The following PDE3B variants were observed in gnomAD, a reference collection of about 807,000 sequenced individuals.
PDE3B encodes phosphodiesterase 3B.
Under a neutral mutation model 116.8 loss-of-function variants are expected in PDE3B, and 66 were observed. The ratio of observed to expected loss-of-function variants is 0.56; its 90% CI spans 0.46 to 0.69. PDE3B has a LOEUF of 0.69. Ranked by LOEUF, PDE3B falls within the 30% of genes least tolerant of loss-of-function variation. The pLI is 0.00. For missense variants in PDE3B, 1,384 were observed against 1,368.1 expected (o/e 1.01, Z -0.18); for synonymous variants, 595 against 533.6 (o/e 1.12, Z -1.59).
At chr11:14,744,421 T>C (rs1856851287) in intron 1 of PDE3B, among the ~76,000 whole-genome samples, 1 of 152,234 alleles carries the variant, frequency 6.6e-6, no homozygotes, top group Admixed American at 6.5e-5. Flanking sequence ...AGTCCATGAA[T>C]GTGAATGTTT....
At chr11:14,712,661 G>T (rs1855745542) in intron 1 of PDE3B, among the ~76,000 whole-genome samples, 1 of 151,960 alleles carries the variant, frequency 6.6e-6, no homozygotes, top group Non-Finnish European at 1.5e-5. Flanking sequence ...TTTTAATAGT[G>T]ACAGGGTTTA....
intron 5 of PDE3B, among the ~76,000 whole-genome samples, chr11:14,817,018 C>G (rs1159827906): frequency 6.6e-6 from 1 of 152,092 alleles, no homozygotes; most frequent in Non-Finnish European, 1.5e-5. Flanking sequence ...TTCACAGTAG[C>G]AAAGACTTGG....
At chr11:14,694,673 A>G (rs1855151153) in intron 1 of PDE3B, among the ~76,000 whole-genome samples, 1 of 152,150 alleles carries the variant, frequency 6.6e-6, no homozygotes, top group Non-Finnish European at 1.5e-5. Context: ...GCACTGGGAA[A>G]CCAAAAAATT....
At chr11:14,844,347 C>T (rs1476154204) in intron 12 of PDE3B, among the ~76,000 whole-genome samples, 1 of 152,078 alleles carries the variant, frequency 6.6e-6, no homozygotes, top group African/African-American at 2.4e-5. Context: ...GATTTCTGTT[C>T]CGCTGGAGCC....
In PDE3B at chr11:14,831,708, C is replaced by A; in HGVS notation, c.2025C>A (p.Ser675Arg). 1.3e-6 allele frequency: 2 copies of A among 1,597,344 alleles called. No homozygotes were observed. Among genetic ancestry groups the A allele is most frequent in the Non-Finnish European group, 1.7e-6 (2 of 1,167,662 alleles). Residue 675 changes from serine (S) to arginine (R), a missense_variant, in exon 9 of 16, where the codon AGC (serine) becomes AGA (arginine). Around this residue, in one of 2 missense-constraint regions of PDE3B, gnomAD observed 428 missense variants for 561.4 expected, o/e 0.76. Transcript: ENST00000282096. ...EEYDSLIEKM[S>R]NWNFPIFELV... ...ATGACTCATTAATAGAAAAGATGAG[C>A]AACTGGAATTTTCCAATTTTTGAAC...
chr11:14,660,304 CT>C (rs761213939), intron 1 of PDE3B, among the ~76,000 whole-genome samples: 383 of 140,372 alleles, frequency 2.7e-3, no homozygotes, highest in Middle Eastern at 7.4e-3. Flanking sequence ...TTCTAATATT[CT>C]TTTTTTTTTT....
intron 1 of PDE3B, among the ~76,000 whole-genome samples, chr11:14,684,442 C>A (rs941240326): frequency 6.6e-6 from 1 of 152,152 alleles, no homozygotes; most frequent in Non-Finnish European, 1.5e-5. Context: ...AAAAGGAGAA[C>A]AAAGATCACA....
intron 1 of PDE3B, among the ~76,000 whole-genome samples, chr11:14,723,621 A>AACC (rs1416924977): frequency 7.9e-5 from 12 of 151,908 alleles, no homozygotes; most frequent in Admixed American, 7.9e-4. Flanking sequence ...ATTAGCTGGG[A>AACC]ATGATGATGC....
chr11:14,743,745 G>A (rs73412663), intron 1 of PDE3B, among the ~76,000 whole-genome samples: 23,263 of 152,154 alleles, frequency 0.15, 2,321 homozygotes, highest in African/African-American at 0.27. Context: ...TGGGAAATGC[G>A]TACTATCTGG....
chr11:14,705,289 G>T (rs1855495192), intron 1 of PDE3B, among the ~76,000 whole-genome samples: 1 of 151,782 alleles, frequency 6.6e-6, no homozygotes, highest in Non-Finnish European at 1.5e-5. Context: ...TAAACAAATT[G>T]TGCTCTATCC....
chr11:14,769,031 G>A (rs997486534), intron 1 of PDE3B, among the ~76,000 whole-genome samples: 3 of 151,410 alleles, frequency 2.0e-5, no homozygotes, highest in African/African-American at 7.3e-5. Flanking sequence ...TTCCTAATAT[G>A]AAGGGGATTT....
intron 4 of PDE3B, among the ~76,000 whole-genome samples, chr11:14,799,346 T>C (rs1431599675): frequency 1.3e-5 from 2 of 152,190 alleles, no homozygotes; most frequent in African/African-American, 4.8e-5. Context: ...AGTGTTTTAC[T>C]TCCCATTACG....
chr11:14,713,579 G>A lies in PDE3B; in HGVS notation c.979-58358G>A, dbSNP rs1406418738. On this transcript the variant is annotated intron_variant, in intron 1 of 15. Coordinates refer to ENST00000282096, the MANE Select transcript of PDE3B (RefSeq NM_000922.4). ...ACTGCCAGCTTTCTTGGTTCTTAAT[G>A]CTTCAGACTTGGACTGAAACTAAAC... is the stretch of plus-strand genomic sequence containing the variant. Among the ~76,000 whole-genome samples, 11 of 152,056 alleles carry A rather than the reference G, an allele frequency of 7.2e-5. No homozygotes were observed. In the East Asian group the frequency reaches 2.1e-3, roughly 29 times the overall value.
chr11:14,722,701 C>T lies in PDE3B; in HGVS notation c.979-49236C>T, dbSNP rs1590090270. 1.3e-5 allele frequency among the ~76,000 whole-genome samples: 2 copies of T among 152,290 alleles called. 1 individual carries two copies. The highest frequency in any genetic ancestry group is 3.9e-4 in the East Asian group (2 of 5,184). On this transcript the variant is annotated intron_variant, in intron 1 of 15. Coordinates refer to ENST00000282096, the MANE Select transcript of PDE3B (RefSeq NM_000922.4). Reference sequence around the variant, plus strand: ...AGTTTAGTCTTGAGATGACTGCAGTCCTGGCTGACAGTTTGATTATAACCT... The same window carrying T: ...AGTTTAGTCTTGAGATGACTGCAGTTCTGGCTGACAGTTTGATTATAACCT...
At chr11:14,681,416 G>A (rs1854703488) in intron 1 of PDE3B, among the ~76,000 whole-genome samples, 1 of 152,154 alleles carries the variant, frequency 6.6e-6, no homozygotes, top group Admixed American at 6.5e-5. Context: ...TAGTGAATAA[G>A]TCTCATGAGA....
In PDE3B at chr11:14,856,663, G is replaced by GC. The variant is rs374215657; in HGVS notation, c.2521-2380_2521-2379insC. On this transcript the variant is annotated intron_variant, in intron 12 of 15. Coordinates refer to ENST00000282096, the MANE Select transcript of PDE3B (RefSeq NM_000922.4). ...AGGTCAGGAGATAGAGACTATCCTG[G>GC]TAACATGGTGAAACCCCGACTCTAC... Among the ~76,000 whole-genome samples, 714 of 152,102 alleles carry GC rather than the reference G, an allele frequency of 4.7e-3. 4 individuals carry two copies. Among genetic ancestry groups the GC allele is most frequent in the African/African-American group, 0.016 (651 of 41,482 alleles).
chr11:14,751,227 T>C (rs1309994972), intron 1 of PDE3B, among the ~76,000 whole-genome samples: 1 of 152,160 alleles, frequency 6.6e-6, no homozygotes, highest in East Asian at 1.9e-4. Flanking sequence ...TTTTTAAAAA[T>C]GTTATAGAAG....
intron 12 of PDE3B, among the ~76,000 whole-genome samples, chr11:14,856,578 G>A (rs1450099022): frequency 6.6e-6 from 1 of 151,996 alleles, no homozygotes; most frequent in Non-Finnish European, 1.5e-5. Context: ...TAGTTGGCCA[G>A]GTGTGGTGGC....
chr11:14,772,509 GAT>G (rs1157650338), intron 2 of PDE3B: 5 of 151,976 alleles, frequency 3.3e-5, no homozygotes, highest in African/African-American at 1.2e-4. Flanking sequence ...AACTGGTACT[GAT>G]ATGAAGAAAT....
Sources: gnomAD v4.1 joint callset for allele counts (sites outside exome capture counted in the v4.1 genomes callset) on GRCh38, gnomAD v4.1.1 for gene constraint, gnomAD v4.1.1 regional missense constraint, MANE v1.5 for transcripts, NCBI Gene and HGNC (gene_info 2026-07-23, HGNC 2026-07-21) for gene names.